ESR1: variants seen among roughly 807,000 people sequenced by gnomAD.
ESR1 encodes the protein estrogen receptor.
In ESR1, 12 loss-of-function variants were observed where a neutral mutation model predicts 52.7. The observed-to-expected ratio is 0.23, with a 90% CI of 0.15 to 0.37. The LOEUF (loss-of-function observed/expected upper bound fraction) is 0.37. Ranked by LOEUF, ESR1 falls within the 10% of genes least tolerant of loss-of-function variation. The probability of loss-of-function intolerance (pLI) is 1.00; values close to 1 mark genes in which losing one functional copy is unlikely to be tolerated. For synonymous variants in ESR1, 305 were observed against 316.8 expected (o/e 0.96, Z 0.39); for missense variants, 584 against 779.7 (o/e 0.75, Z 2.99).
intron 3 of ESR1, among the ~76,000 whole-genome samples, chr6:151,910,801 C>T (rs886224987): frequency 1.2e-4 from 18 of 152,096 alleles, no homozygotes; most frequent in Non-Finnish European, 2.5e-4. Context: ...TGTATGCCTT[C>T]GATGTACATA....
rs559470164 is a variant in ESR1 at position 152,004,355 on chromosome 6, C to G, written c.1097-7301C>G. On this transcript the variant is annotated intron_variant, in intron 4 of 7. Coordinates refer to ENST00000206249, the MANE Select transcript of ESR1 (RefSeq NM_000125.4). ...TGGGTTGGAGTTGAAAACCAAGCAA[C>G]AGTTGGGCAGACTTGAAACCAGTTT... Among the ~76,000 whole-genome samples the G allele has an allele frequency of 2.0e-5, 3 of 152,040 alleles. No individual in the cohort carries two copies. In the East Asian group the frequency reaches 5.8e-4, roughly 30 times the overall value.
chr6:151,953,234 T>G (rs1033987365), intron 4 of ESR1, among the ~76,000 whole-genome samples: 1 of 152,118 alleles, frequency 6.6e-6, no homozygotes, highest in East Asian at 1.9e-4. Context: ...TTAGACCCAT[T>G]GTGTGCTAAC....
chr6:151,781,594 C>G (rs1181611486), intron 2 of ESR1, among the ~76,000 whole-genome samples: 2 of 152,194 alleles, frequency 1.3e-5, no homozygotes, highest in Non-Finnish European at 2.9e-5. Flanking sequence ...AATGTTTGAT[C>G]CCCTACATCC....
chr6:151,735,945 A>G (rs1782620581), intron 2 of ESR1, among the ~76,000 whole-genome samples: 1 of 152,046 alleles, frequency 6.6e-6, no homozygotes, highest in African/African-American at 2.4e-5. Flanking sequence ...CCACCTTCAC[A>G]CGCTGTCACT....
At chr6:151,731,215 G>A (rs978276748) in intron 2 of ESR1, among the ~76,000 whole-genome samples, 2 of 152,080 alleles carry the variant, frequency 1.3e-5, no homozygotes, top group Non-Finnish European at 2.9e-5. Flanking sequence ...AATTAGCTGG[G>A]CGTGGTGGTG....
chr6:152,010,379 TGA>T (rs2128771932), intron 4 of ESR1, among the ~76,000 whole-genome samples: 1 of 152,056 alleles, frequency 6.6e-6, no homozygotes, highest in South Asian at 2.1e-4. Context: ...GTAATATTCA[TGA>T]GAGAAAAAGA....
intron 2 of ESR1, among the ~76,000 whole-genome samples, chr6:151,858,215 T>G (rs1321143256): frequency 1.3e-5 from 2 of 152,206 alleles, no homozygotes; most frequent in Non-Finnish European, 2.9e-5. Flanking sequence ...CAATACAATA[T>G]TATTCCTTTG....
chr6:151,855,492 A>G (rs1342896008), intron 2 of ESR1, among the ~76,000 whole-genome samples: 1 of 152,160 alleles, frequency 6.6e-6, no homozygotes, highest in East Asian at 1.9e-4. Context: ...AGTTCTTCAC[A>G]TTCTCTTCCC....
chr6:151,784,536 A>G (rs1313334414), intron 2 of ESR1, among the ~76,000 whole-genome samples: 2 of 152,198 alleles, frequency 1.3e-5, no homozygotes, highest in East Asian at 3.8e-4. Context: ...ATTGAAATCT[A>G]AAAATTAGTG....
chr6:152,122,152 G>A (rs1285408818), intron 6 of ESR1: 2 of 458,182 alleles, frequency 4.4e-6, no homozygotes, highest in Non-Finnish European at 8.0e-6. Context: ...GAATTCATGA[G>A]TCCGGGGAAC....
chr6:151,915,867 CTCTA>C (rs1021394772), intron 3 of ESR1, among the ~76,000 whole-genome samples: 1 of 148,342 alleles, frequency 6.7e-6, no homozygotes, highest in African/African-American at 2.5e-5. Flanking sequence ...CTCTCTCTCT[CTCTA>C]TAGGAAACCA....
In ESR1 at chr6:151,846,326, T is replaced by C. The variant is rs142794515; in HGVS notation, c.643+3539T>C. ...CCTTTATACTTTAAAAGCATTTCCA[T>C]GTATTTGATTTGTTTGTGTGTATAA... On this transcript the variant is annotated intron_variant, in intron 2 of 7. Coordinates refer to ENST00000206249, the MANE Select transcript of ESR1 (RefSeq NM_000125.4). Among the ~76,000 whole-genome samples, 430 of 152,380 alleles carry C rather than the reference T, an allele frequency of 2.8e-3. 2 individuals carry two copies. The highest frequency in any genetic ancestry group is 0.011 in the South Asian group (51 of 4,830).
At chr6:152,027,463 G>C (rs1392774967) in intron 5 of ESR1, among the ~76,000 whole-genome samples, 4 of 152,014 alleles carry the variant, frequency 2.6e-5, no homozygotes, top group African/African-American at 9.7e-5. Flanking sequence ...TTATTTTCAG[G>C]AAGAGCTCAT....
At chr6:152,120,040 A>C in intron 6 of ESR1, among the ~76,000 whole-genome samples, 1 of 152,356 alleles carries the variant, frequency 6.6e-6, no homozygotes, top group East Asian at 1.9e-4. Context: ...ATGTATGCTA[A>C]GATTTTTCTT....
chr6:151,710,713 C>T (rs571190670), intron 2 of ESR1, among the ~76,000 whole-genome samples: 16 of 152,158 alleles, frequency 1.1e-4, no homozygotes, highest in African/African-American at 3.4e-4. Context: ...CTATTGCTAT[C>T]CCTCCCCTAG....
rs1024738449 is a variant in ESR1, at chr6:152,098,265, A to G, written c.1554-467A>G. On this transcript the variant is annotated intron_variant, in intron 7 of 7. Coordinates refer to ENST00000206249, the MANE Select transcript of ESR1 (RefSeq NM_000125.4). The surrounding 1 kb of genome is among the most constrained non-coding windows in gnomAD (Gnocchi z 5.1). ...CGTATTCTGAGTTAAATGGGAAGTG[A>G]CGTGAGAGATTTAACAATGGAGCGT... is the stretch of plus-strand genomic sequence containing the variant. 6.6e-6 allele frequency among the ~76,000 whole-genome samples: 1 copy of G among 152,058 alleles called. No individual in the cohort carries two copies. The highest frequency in any genetic ancestry group is 1.5e-5 in the Non-Finnish European group (1 of 68,020).
At chr6:151,804,033 C>T (rs556174864), upstream of ESR1, among the ~76,000 whole-genome samples, 48 of 152,160 alleles carry the variant, frequency 3.2e-4, no homozygotes, top group African/African-American at 9.9e-4. Flanking sequence ...CAGTAAGTCA[C>T]GGCTGGAACG....
chr6:151,718,924 G>T (rs928084117), intron 2 of ESR1, among the ~76,000 whole-genome samples: 1 of 151,944 alleles, frequency 6.6e-6, no homozygotes, highest in Non-Finnish European at 1.5e-5. Context: ...CCGCATATTA[G>T]GCAGTGGGAG....
At chr6:152,035,918 G>A (rs1419077545) in intron 5 of ESR1, among the ~76,000 whole-genome samples, 2 of 152,146 alleles carry the variant, frequency 1.3e-5, no homozygotes, top group Non-Finnish European at 2.9e-5. Flanking sequence ...CCAGATGAAT[G>A]TAGGACTTAA....
Sources: gnomAD v4.1 joint callset for allele counts (sites outside exome capture counted in the v4.1 genomes callset) on GRCh38, gnomAD v4.1.1 for gene constraint, Gnocchi (gnomAD v3.1) non-coding constraint, MANE v1.5 for transcripts, NCBI Gene and HGNC (gene_info 2026-07-23, HGNC 2026-07-21) for gene names.